ADAMTS3: variants seen among roughly 807,000 people sequenced by gnomAD.
ADAMTS3 encodes the protein ADAM metallopeptidase with thrombospondin type 1 motif 3.
Under a neutral mutation model 129.0 loss-of-function variants are expected in ADAMTS3, and 73 were observed. That is an observed-to-expected ratio of 0.57 (90% CI 0.47 to 0.69). ADAMTS3 has a LOEUF of 0.69. Among genes scored for constraint, ADAMTS3 ranks in the 30% least tolerant of loss-of-function variants. The pLI is 0.00. For synonymous variants in ADAMTS3, 477 were observed against 510.8 expected, an observed-to-expected ratio of 0.93 and a Z score of 0.89; for missense variants, 1,457 against 1,514.5, an observed-to-expected ratio of 0.96 and a Z score of 0.63.
At chr4:72,472,550 C>T (rs1220459203) in intron 3 of ADAMTS3, among the ~76,000 whole-genome samples, 3 of 151,976 alleles carry the variant, frequency 2.0e-5, no homozygotes, top group Non-Finnish European at 4.4e-5. Context: ...TTATGAATTG[C>T]TTTTAAGAAC....
intron 3 of ADAMTS3, among the ~76,000 whole-genome samples, chr4:72,492,199 C>T (rs1578730669): frequency 2.0e-5 from 3 of 151,340 alleles, no homozygotes; most frequent in East Asian, 3.8e-4. Context: ...ATTTATCTTT[C>T]GAAAAACAAC....
chr4:72,330,114 G>A (rs1719807154), intron 5 of ADAMTS3, among the ~76,000 whole-genome samples: 1 of 152,074 alleles, frequency 6.6e-6, no homozygotes, highest in South Asian at 2.1e-4. Context: ...TGCCTCCTGG[G>A]TTCAAGCAAT....
chr4:72,288,482 T>G (rs548468106), intron 21 of ADAMTS3, among the ~76,000 whole-genome samples: 48 of 152,334 alleles, frequency 3.2e-4, no homozygotes, highest in South Asian at 2.3e-3. Context: ...CACAAATTGA[T>G]AGACGTTACA....
chr4:72,437,248 C>T (rs1297875710), intron 3 of ADAMTS3, among the ~76,000 whole-genome samples: 1 of 151,798 alleles, frequency 6.6e-6, no homozygotes, highest in Non-Finnish European at 1.5e-5. Context: ...TTAAAAAATA[C>T]ATATTTAGGA....
In ADAMTS3 at chr4:72,557,918, A is replaced by G. The variant is rs1364835472; in HGVS notation, c.98-9034T>C. On this transcript the variant is annotated intron_variant, in intron 2 of 21. Transcript: ENST00000286657. The stretch of plus-strand genomic sequence containing the variant: ...TTAATATTCCAATCTCAGTTTTTAA[A>G]TAAGTACTTCTGCTTATTTAGCATC... 2.6e-5 allele frequency among the ~76,000 whole-genome samples: 4 copies of G among 151,894 alleles called. No homozygotes were observed. The South Asian group carries it at 8.3e-4, about 31-fold the overall frequency.
intron 4 of ADAMTS3, among the ~76,000 whole-genome samples, chr4:72,365,298 C>T (rs1720841892): frequency 6.6e-6 from 1 of 152,166 alleles, no homozygotes; most frequent in Non-Finnish European, 1.5e-5. Flanking sequence ...TTGAATTCCA[C>T]TTCCTTGTGT....
intron 3 of ADAMTS3, among the ~76,000 whole-genome samples, chr4:72,447,152 T>C (rs1472734390): frequency 6.6e-6 from 1 of 151,736 alleles, no homozygotes; most frequent in African/African-American, 2.4e-5. Context: ...GAAGAACAGA[T>C]TGCAGATTAT....
At chr4:72,554,373 C>T (rs565332055) in intron 2 of ADAMTS3, among the ~76,000 whole-genome samples, 2 of 152,074 alleles carry the variant, frequency 1.3e-5, no homozygotes, top group Admixed American at 1.3e-4. Context: ...AGCATGATAC[C>T]CTGCAAATAG....
intron 3 of ADAMTS3, among the ~76,000 whole-genome samples, chr4:72,425,771 G>C (rs1177336256): frequency 1.3e-5 from 2 of 151,538 alleles, no homozygotes; most frequent in Non-Finnish European, 2.9e-5. Context: ...CTTTGCTATT[G>C]TGAATAGTGC....
At chr4:72,470,945 T>A (rs568575030) in intron 3 of ADAMTS3, among the ~76,000 whole-genome samples, 2 of 152,290 alleles carry the variant, frequency 1.3e-5, no homozygotes, top group South Asian at 4.1e-4. Context: ...CACAACCATA[T>A]ACCACTTCTA....
At chr4:72,550,105 AG>A (rs1721606241) in intron 2 of ADAMTS3, among the ~76,000 whole-genome samples, 1 of 136,928 alleles carries the variant, frequency 7.3e-6, no homozygotes, top group Non-Finnish European at 1.6e-5. Context: ...AAGAAGAAGA[AG>A]AAGAAGAAGA....
chr4:72,325,554 A>T (rs1719677564), intron 5 of ADAMTS3, among the ~76,000 whole-genome samples: 1 of 152,210 alleles, frequency 6.6e-6, no homozygotes, highest in Non-Finnish European at 1.5e-5. Context: ...ACATGTATTT[A>T]GTTCAATGAA....
intron 3 of ADAMTS3, among the ~76,000 whole-genome samples, chr4:72,522,184 C>T (rs1720692188): frequency 6.6e-6 from 1 of 152,026 alleles, no homozygotes; most frequent in Non-Finnish European, 1.5e-5. Flanking sequence ...ACACACAAAT[C>T]CATAATTGAA....
intron 10 of ADAMTS3, among the ~76,000 whole-genome samples, chr4:72,316,900 T>C (rs143763833): frequency 1.3e-5 from 2 of 152,140 alleles, no homozygotes; most frequent in Non-Finnish European, 2.9e-5. Context: ...GTTAGGGCTA[T>C]AGTTATGGTT....
chr4:72,486,747 C>G (rs1719601061), intron 3 of ADAMTS3, among the ~76,000 whole-genome samples: 1 of 152,122 alleles, frequency 6.6e-6, no homozygotes, highest in African/African-American at 2.4e-5. Context: ...GTGAAGAATA[C>G]AGGCATTCGA....
At chr4:72,421,223 A>C (rs2109933781) in intron 3 of ADAMTS3, among the ~76,000 whole-genome samples, 1 of 152,350 alleles carries the variant, frequency 6.6e-6, no homozygotes, top group South Asian at 2.1e-4. Context: ...ACATGGTCCT[A>C]GTCCCACTGG....
At chr4:72,529,976 TAA>T (rs367798920) in intron 3 of ADAMTS3, among the ~76,000 whole-genome samples, 314 of 926 alleles carry the variant, frequency 0.34, 65 homozygotes, top group East Asian at 0.75. Flanking sequence ...TATTTATATA[TAA>T]ATATAATATA....
chr4:72,429,485 G>T (rs191086991), intron 3 of ADAMTS3, among the ~76,000 whole-genome samples: 4 of 151,974 alleles, frequency 2.6e-5, no homozygotes, highest in African/African-American at 9.7e-5. Context: ...TAAAGGAAAC[G>T]TAAAATCCAA....
intron 4 of ADAMTS3, among the ~76,000 whole-genome samples, chr4:72,365,440 A>C (rs1369425360): frequency 1.3e-5 from 2 of 152,346 alleles, no homozygotes; most frequent in East Asian, 3.9e-4. Context: ...ATCAAGCTGC[A>C]GTAGAGTATT....
Sources: allele counts gnomAD v4.1 joint callset (sites outside exome capture counted in the v4.1 genomes callset), GRCh38; gene constraint gnomAD v4.1.1; transcripts MANE v1.5; gene names NCBI Gene and HGNC (gene_info 2026-07-23, HGNC 2026-07-21).